Variants in UVRAG observed in about 807,000 individuals in gnomAD.
The protein encoded by UVRAG is UV radiation resistance-associated gene protein.
UVRAG carries 19 observed loss-of-function variants against 78.0 expected under a neutral mutation model. The ratio of observed to expected loss-of-function variants is 0.24; its 90% CI spans 0.17 to 0.36. The LOEUF is 0.36. UVRAG is among the 10% of genes least tolerant of loss of function. UVRAG has a pLI of 1.00. For synonymous variants in UVRAG, 323 were observed against 324.6 expected, an observed-to-expected ratio of 1.00 and a Z score of 0.05; for missense variants, 740 against 853.8, an observed-to-expected ratio of 0.87 and a Z score of 1.66.
chr11:76,006,023 G>T (rs148765376), intron 9 of UVRAG, among the ~76,000 whole-genome samples: 5 of 151,296 alleles, frequency 3.3e-5, no homozygotes, highest in Non-Finnish European at 7.4e-5. Context: ...TGGTGGGTGG[G>T]GAAGAAAGTC....
At chr11:75,956,115 G>A (rs1001960756) in intron 6 of UVRAG, among the ~76,000 whole-genome samples, 3 of 152,058 alleles carry the variant, frequency 2.0e-5, no homozygotes, top group African/African-American at 7.2e-5. Context: ...TGTACCAGTG[G>A]TGTGTTCCTT....
At chr11:76,022,778 AACTT>A (rs1178961659) in intron 12 of UVRAG, among the ~76,000 whole-genome samples, 7 of 152,114 alleles carry the variant, frequency 4.6e-5, no homozygotes, top group Non-Finnish European at 1.0e-4. Context: ...GGTAGGGAAA[AACTT>A]ACTTATGCCA....
rs977162535 is a variant in UVRAG at position 76,047,056 on chromosome 11, T to G, written c.1227-18654T>G. On this transcript the variant is annotated intron_variant, in intron 12 of 14. Coordinates refer to ENST00000356136, the MANE Select transcript of UVRAG (RefSeq NM_003369.4). ...ACTAACAATACAATTCAGTGAACAT[T>G]TATTCAATACCTGCTCTGTTAGACC... Among the ~76,000 whole-genome samples, 13 of 152,302 alleles carry G rather than the reference T, an allele frequency of 8.5e-5. 1 individual carries two copies. The South Asian group carries it at 1.9e-3, about 22-fold the overall frequency.
intron 14 of UVRAG, among the ~76,000 whole-genome samples, chr11:76,123,986 G>C (rs532093615): frequency 1.3e-5 from 2 of 151,662 alleles, no homozygotes; most frequent in South Asian, 2.1e-4. Flanking sequence ...GGCTGGTCTC[G>C]AACTCCTGAC....
At chr11:75,851,845 A>G in intron 1 of UVRAG, 38 bp from the exon 2 acceptor site, 2 of 1,546,482 alleles carry the variant, frequency 1.3e-6, no homozygotes, top group Non-Finnish European at 1.8e-6. Context: ...TAGGAGGAAA[A>G]ATCTGAATGC....
chr11:76,095,355 A>C (rs958936052), intron 13 of UVRAG, among the ~76,000 whole-genome samples: 5 of 152,186 alleles, frequency 3.3e-5, no homozygotes, highest in African/African-American at 1.2e-4. Flanking sequence ...TAAATTTGTT[A>C]CCACTTATCT....
At chr11:76,073,346 T>C (rs960212003) in intron 13 of UVRAG, among the ~76,000 whole-genome samples, 54 of 152,164 alleles carry the variant, frequency 3.5e-4, no homozygotes, top group African/African-American at 1.3e-3. Flanking sequence ...TGACAAATTA[T>C]GGTTATTTAG....
At chr11:76,045,523 T>A (rs1436410752) in intron 12 of UVRAG, among the ~76,000 whole-genome samples, 3 of 152,068 alleles carry the variant, frequency 2.0e-5, no homozygotes, top group African/African-American at 4.8e-5. Flanking sequence ...TTGTTGGGAT[T>A]TTTTTTAGGA....
intron 8 of UVRAG, among the ~76,000 whole-genome samples, chr11:75,996,676 A>G (rs1949713552): frequency 6.6e-6 from 1 of 152,180 alleles, no homozygotes; most frequent in Non-Finnish European, 1.5e-5. Flanking sequence ...GGCAGGCACA[A>G]TAATGCAAAT....
At chr11:75,910,210 T>A (rs1947705142) in intron 5 of UVRAG, among the ~76,000 whole-genome samples, 1 of 152,216 alleles carries the variant, frequency 6.6e-6, no homozygotes, top group Non-Finnish European at 1.5e-5. Flanking sequence ...CCTTTAAATG[T>A]CTGTAGTGAT....
chr11:75,962,271 G>A (rs1029971724), intron 7 of UVRAG, among the ~76,000 whole-genome samples: 1 of 152,028 alleles, frequency 6.6e-6, no homozygotes, highest in African/African-American at 2.4e-5. Context: ...TTGTTCGTGT[G>A]AACTCATTAT....
chr11:75,914,334 A>G (rs1947804616), intron 6 of UVRAG: 1 of 152,204 alleles, frequency 6.6e-6, no homozygotes, highest in African/African-American at 2.4e-5. Flanking sequence ...AGTCATTTTA[A>G]AAAATATATC....
In UVRAG at chr11:76,144,144, GAAT is replaced by G. The variant is rs1210542366; in HGVS notation, c.*2737_*2739del. ...TTTAAATAATTTTTTAAACCACCAC[GAAT>G]AATAAATGGCATGTGAAACTGATCT... On this transcript the variant is annotated 3_prime_UTR_variant, in exon 15 of 15. Coordinates refer to ENST00000356136, the MANE Select transcript of UVRAG (RefSeq NM_003369.4). 1.3e-5 allele frequency among the ~76,000 whole-genome samples: 2 copies of G among 152,096 alleles called. No individual in the cohort carries two copies. Among genetic ancestry groups the G allele is most frequent in the African/African-American group, 4.8e-5 (2 of 41,412 alleles).
intron 14 of UVRAG, among the ~76,000 whole-genome samples, chr11:76,127,313 G>A (rs920921425): frequency 1.6e-4 from 25 of 152,188 alleles, no homozygotes; most frequent in African/African-American, 6.0e-4. Flanking sequence ...CACTTAGATT[G>A]GCATGGTTAA....
intron 12 of UVRAG, among the ~76,000 whole-genome samples, chr11:76,053,953 A>G (rs1950926657): frequency 7.3e-6 from 1 of 137,066 alleles, no homozygotes; most frequent in Non-Finnish European, 1.6e-5. Flanking sequence ...CTGGTGACAG[A>G]GCAAGACTCC....
chr11:76,022,728 C>G (rs941054343), intron 12 of UVRAG, among the ~76,000 whole-genome samples: 2 of 152,120 alleles, frequency 1.3e-5, no homozygotes, highest in African/African-American at 4.8e-5. Context: ...CAATCTCTGC[C>G]TTTGGATTAG....
At chr11:75,848,217 T>A (rs1015444912) in intron 1 of UVRAG, among the ~76,000 whole-genome samples, 1 of 151,734 alleles carries the variant, frequency 6.6e-6, no homozygotes, top group Admixed American at 6.6e-5. Flanking sequence ...AAAAAGTTTC[T>A]TTCCTTTGTC....
At chr11:75,958,627 G>A (rs1948850221) in intron 6 of UVRAG, among the ~76,000 whole-genome samples, 3 of 152,092 alleles carry the variant, frequency 2.0e-5, no homozygotes, top group South Asian at 4.2e-4. Context: ...TCATCCATGA[G>A]GGTTGGAATC....
At chr11:76,102,192 G>A (rs1458164802) in intron 13 of UVRAG, among the ~76,000 whole-genome samples, 1 of 152,160 alleles carries the variant, frequency 6.6e-6, no homozygotes, top group Non-Finnish European at 1.5e-5. Flanking sequence ...TTTTAATGAT[G>A]TTGATTCTTT....
Sources: allele counts gnomAD v4.1 joint callset (sites outside exome capture counted in the v4.1 genomes callset), GRCh38; gene constraint gnomAD v4.1.1; transcripts MANE v1.5; gene names NCBI Gene and HGNC (gene_info 2026-07-23, HGNC 2026-07-21).